BBS9: variants seen among roughly 807,000 people sequenced by gnomAD.
The protein encoded by BBS9 is protein PTHB1.
Under a neutral mutation model 117.7 loss-of-function variants are expected in BBS9, and 89 were observed. That is an observed-to-expected ratio of 0.76 (90% CI 0.64 to 0.90). The LOEUF is 0.90. BBS9 is among the 40% of genes least tolerant of loss of function. BBS9 has a pLI of 0.00. For missense variants in BBS9, 982 were observed against 1,042.2 expected (o/e 0.94, Z 0.80); for synonymous variants, 379 against 370.9 (o/e 1.02, Z -0.25).
At chr7:33,141,336 G>A (rs538415978) in intron 1 of BBS9, among the ~76,000 whole-genome samples, 21 of 152,186 alleles carry the variant, frequency 1.4e-4, no homozygotes, top group African/African-American at 4.1e-4. Flanking sequence ...GCAGGAGATC[G>A]CCTGAACTTG....
At chr7:33,235,396 T>A (rs1793287132) in intron 5 of BBS9, among the ~76,000 whole-genome samples, 1 of 152,176 alleles carries the variant, frequency 6.6e-6, no homozygotes, top group Admixed American at 6.6e-5. Flanking sequence ...AATTTATTAC[T>A]ACTTTTAAGC....
At chr7:33,160,368 T>C (rs1401124074) in intron 4 of BBS9, among the ~76,000 whole-genome samples, 2 of 152,190 alleles carry the variant, frequency 1.3e-5, no homozygotes, top group East Asian at 3.8e-4. Context: ...AATGTGTCAT[T>C]AAAATTTCTC....
At chr7:33,418,451 G>A (rs549959146) in intron 19 of BBS9, among the ~76,000 whole-genome samples, 4 of 152,324 alleles carry the variant, frequency 2.6e-5, no homozygotes, top group South Asian at 4.1e-4. Context: ...GCTCAGACTC[G>A]TGTTCTATTT....
Position 33,573,365 on chromosome 7 carries a change from A to G in BBS9, c.2522-31500A>G, listed in dbSNP as rs188615743. 2.0e-3 allele frequency among the ~76,000 whole-genome samples: 312 copies of G among 152,226 alleles called. 1 individual carries two copies. The highest frequency in any genetic ancestry group is 3.3e-3 in the Non-Finnish European group (225 of 67,990). ...ATGTTTATGATTTGTTTGCTCTTCT[A>G]TTCCCTAGACTGCTTTTTTAACATC... On this transcript the variant is annotated intron_variant, in intron 21 of 22. Transcript: ENST00000242067.
At chr7:33,294,096 C>G (rs955945035) in intron 9 of BBS9, among the ~76,000 whole-genome samples, 1 of 152,122 alleles carries the variant, frequency 6.6e-6, no homozygotes, top group African/African-American at 2.4e-5. Context: ...CTAACATATA[C>G]TTTGAAGCCA....
chr7:33,525,139 T>C (rs1447355650), intron 20 of BBS9, among the ~76,000 whole-genome samples: 1 of 152,224 alleles, frequency 6.6e-6, no homozygotes, highest in Non-Finnish European at 1.5e-5. Context: ...TCTGTTCTTT[T>C]ACATTTGCTG....
intron 19 of BBS9, among the ~76,000 whole-genome samples, chr7:33,496,748 A>G (rs987029834): frequency 6.6e-6 from 1 of 152,230 alleles, no homozygotes; most frequent in Non-Finnish European, 1.5e-5. Context: ...CACAGAGGTA[A>G]TGAATGCATG....
intron 21 of BBS9, among the ~76,000 whole-genome samples, chr7:33,546,380 T>C (rs1055292999): frequency 3.3e-5 from 5 of 152,214 alleles, no homozygotes; most frequent in Non-Finnish European, 5.9e-5. Flanking sequence ...TAATGAATAT[T>C]CTTGTAGCTA....
At chr7:33,205,540 G>T (rs892207585) in intron 5 of BBS9, among the ~76,000 whole-genome samples, 2 of 152,074 alleles carry the variant, frequency 1.3e-5, no homozygotes, top group African/African-American at 4.8e-5. Flanking sequence ...GTGGGAAACC[G>T]ATACTTTAGC....
intron 19 of BBS9, among the ~76,000 whole-genome samples, chr7:33,480,571 T>A (rs1842394363): frequency 6.6e-6 from 1 of 152,208 alleles, no homozygotes; most frequent in Non-Finnish European, 1.5e-5. Flanking sequence ...TAGGTTTCTG[T>A]CATGTATCTT....
At chr7:33,141,210 G>T (rs1470128386) in intron 1 of BBS9, among the ~76,000 whole-genome samples, 2 of 152,084 alleles carry the variant, frequency 1.3e-5, no homozygotes, top group South Asian at 2.1e-4. Context: ...ATTGCTTGAG[G>T]TCAGGAGTTG....
intron 5 of BBS9, among the ~76,000 whole-genome samples, chr7:33,233,175 G>T (rs1175348220): frequency 3.3e-5 from 5 of 152,056 alleles, no homozygotes; most frequent in Non-Finnish European, 5.9e-5. Flanking sequence ...GGCACCCATT[G>T]TTTGGGTGGC....
At chr7:33,613,980 A>G (rs1865009259) in intron 21 of BBS9, among the ~76,000 whole-genome samples, 1 of 152,110 alleles carries the variant, frequency 6.6e-6, no homozygotes, top group Admixed American at 6.6e-5. Context: ...TGCCATGACT[A>G]ACTCTACCAG....
intron 21 of BBS9, chr7:33,534,441 C>A: frequency 1.9e-6 from 1 of 515,560 alleles, no homozygotes; most frequent in East Asian, 3.5e-5. Context: ...TTGCTTCTAA[C>A]TAATAAAAAG....
chr7:33,129,698 G>C lies in BBS9; in HGVS notation c.-355G>C, dbSNP rs896045752. The C allele has an allele frequency of 1.3e-5, 2 of 152,436 alleles. No homozygotes were observed. The highest frequency in any genetic ancestry group is 4.8e-5 in the African/African-American group (2 of 41,408). 9.4% of individuals were successfully genotyped at this position (152,436 alleles called of 1,614,324 possible). On this transcript the variant is annotated 5_prime_UTR_variant, in exon 1 of 23. Coordinates refer to ENST00000242067, the MANE Select transcript of BBS9 (RefSeq NM_198428.3). ...CTCCTCGGTGTGAGCAGCAGGACTT[G>C]CATTTGTTCTCGCCTGCCTAGTGTC...
chr7:33,492,494 C>G (rs1844125625), intron 19 of BBS9, among the ~76,000 whole-genome samples: 1 of 152,080 alleles, frequency 6.6e-6, no homozygotes, highest in East Asian at 1.9e-4. Context: ...TTTTCCATAC[C>G]TGTCACAGAT....
intron 19 of BBS9, among the ~76,000 whole-genome samples, chr7:33,474,230 T>C (rs1461640119): frequency 1.3e-5 from 2 of 152,192 alleles, no homozygotes; most frequent in African/African-American, 4.8e-5. Context: ...TCTTCACTGT[T>C]GTTGGGGGGA....
chr7:33,559,576 A>G (rs977021870), intron 21 of BBS9, among the ~76,000 whole-genome samples: 5 of 152,174 alleles, frequency 3.3e-5, no homozygotes, highest in Admixed American at 3.3e-4. Flanking sequence ...ACAGCCTGGT[A>G]ATTACTCGCA....
chr7:33,410,942 A>G (rs971105087), intron 19 of BBS9, among the ~76,000 whole-genome samples: 2 of 143,880 alleles, frequency 1.4e-5, no homozygotes, highest in Non-Finnish European at 3.0e-5. Context: ...CTCTTATTTC[A>G]TGTATCCGTC....
Sources: allele counts gnomAD v4.1 joint callset (sites outside exome capture counted in the v4.1 genomes callset), GRCh38; gene constraint gnomAD v4.1.1; transcripts MANE v1.5; gene names NCBI Gene and HGNC (gene_info 2026-07-23, HGNC 2026-07-21).